Variants in LTB observed in about 807,000 individuals in gnomAD.
LTB encodes the protein lymphotoxin-beta.
LTB carries 17 observed loss-of-function variants against 14.7 expected under a neutral mutation model. The observed-to-expected ratio is 1.16, with a 90% confidence interval of 0.79 to 1.73. LTB has a LOEUF of 1.73. LTB is among the 40% of genes most tolerant of loss of function. The pLI, the probability that LTB is intolerant of heterozygous loss-of-function variation, is 0.00. For synonymous variants in LTB, 163 were observed against 157.3 expected, an observed-to-expected ratio of 1.04 and a Z score of -0.27; for missense variants, 288 against 324.3, an observed-to-expected ratio of 0.89 and a Z score of 0.86.
intron 1 of LTB, 197 bp from the exon 2 acceptor site, chr6:31,582,056 G>T: frequency 1.3e-6 from 1 of 759,174 alleles, no homozygotes. Context: ...AAGAGGAGAG[G>T]AGACACAAGG....
intron 2 of LTB, 22 bp downstream of exon 2, chr6:31,581,792 A>C (rs2150394895): frequency 1.2e-6 from 2 of 1,612,394 alleles, no homozygotes; most frequent in East Asian, 2.2e-5. Flanking sequence ...GAAGCGGGGA[A>C]GGAGAGACAG....
chr6:31,582,043 G>A (rs1040876309), intron 1 of LTB, 184 bp from the exon 2 acceptor site: 54 of 760,854 alleles, frequency 7.1e-5, no homozygotes, highest in Middle Eastern at 2.4e-4. Context: ...GATGTACCTC[G>A]GGAAGAGGAG....
Position 31,581,865 on chromosome 6 carries a change from TGGGTGG to T in LTB, c.163-12_163-7del. The T allele has an allele frequency of 6.3e-7, 1 of 1,585,970 alleles. No individual in the cohort carries two copies. The highest frequency in any genetic ancestry group is 8.6e-7 in the Non-Finnish European group (1 of 1,168,104). ...GGGTCGGCCGTCTCCGTTACCTGGT[TGGGTGG>T]GGTCACAGTGCCCAGAGTTCAGATT... On this transcript the variant is annotated splice_region_variant and splice_polypyrimidine_tract_variant and intron_variant, in intron 1 of 3. Transcript: ENST00000429299.
Position 31,581,575 on chromosome 6 carries a change from T to C in LTB, c.264A>G (p.Pro88=). 6.2e-7 allele frequency: 1 copy of C among 1,612,796 alleles called. No homozygotes were observed. The highest frequency in any genetic ancestry group is 2.2e-5 in the East Asian group (1 of 44,884). Residue 88 remains proline (P), a synonymous_variant, in exon 3 of 4, where the codon CCA becomes CCG. Transcript: ENST00000429299. ...GGTCCTTACCTATGAGGTGGGCAGC[T>C]GGGAGCCCGGGGCTGAGATCTGTTT... is the stretch of plus-strand genomic sequence containing the variant. ...EPETDLSPGL[P]AAHLIGAPLK...
At chr6:31,581,899 G>A (rs115773593) in intron 1 of LTB, 40 bp from the exon 2 acceptor site, 16 of 1,547,244 alleles carry the variant, frequency 1.0e-5, no homozygotes, top group Admixed American at 6.0e-5. Flanking sequence ...TTCAGATTCA[G>A]CTCATGTCAC....
Position 31,580,977 on chromosome 6 carries a change from G to T in LTB, c.467C>A (p.Ser156Ter). ...PPGGGDPQGR[S>*]VTLRSSLYRA... ...GTACAGAGAGCTGCGCAGCGTGACC[G>T]AGCGGCCCTGGGGGTCCCCGCCGCC... The change falls in exon 4 of 4, where the codon TCG becomes TAG. Residue 156 changes from serine to a stop codon, truncating the protein, a stop_gained. Transcript: ENST00000429299. LOFTEE classifies it high-confidence loss of function. This position sits in a 1 kb window ranked among gnomAD's most constrained non-coding sequence, Gnocchi z 6.6. The T allele has an allele frequency of 1.3e-6, 2 of 1,564,054 alleles. No individual in the cohort carries two copies. Among genetic ancestry groups the T allele is most frequent in the South Asian group, 2.3e-5 (2 of 86,328 alleles).
chr6:31,582,044 G>A (rs1400336837), intron 1 of LTB, 185 bp from the exon 2 acceptor site: 2 of 765,212 alleles, frequency 2.6e-6, no homozygotes, highest in African/African-American at 1.8e-5. Context: ...ATGTACCTCG[G>A]GAAGAGGAGA....
At chr6:31,581,270 G>A in intron 3 of LTB, 107 bp from the exon 4 acceptor site, 1 of 1,054,402 alleles carries the variant, frequency 9.5e-7, no homozygotes, top group East Asian at 2.5e-5. Context: ...CCGGGCCGGG[G>A]GAGGAGGGAT....
chr6:31,582,234 AGGGCCT>A lies in LTB; in HGVS notation c.162+16_162+21del, dbSNP rs1437001711. On this transcript the variant is annotated intron_variant, in intron 1 of 3. Transcript: ENST00000429299. ...CATCCGCAAGATACAACTCTCCACC[AGGGCCT>A]GTTGCAGCCACTCACCAGTCCTCCC... is the stretch of plus-strand genomic sequence containing the variant. The A allele has an allele frequency of 6.2e-7, 1 of 1,611,546 alleles. No homozygotes were observed. The highest frequency in any genetic ancestry group is 8.5e-7 in the Non-Finnish European group (1 of 1,178,916).
chr6:31,582,248 C>T lies in LTB; in HGVS notation c.162+8G>A, dbSNP rs574383971. ...AACTCTCCACCAGGGCCTGTTGCAG[C>T]CACTCACCAGTCCTCCCTGATCCTG... On this transcript the variant is annotated splice_region_variant and intron_variant, in intron 1 of 3. Coordinates refer to ENST00000429299, the MANE Select transcript of LTB (RefSeq NM_002341.2). 2.5e-6 allele frequency: 4 copies of T among 1,612,604 alleles called. No homozygotes were observed. Among genetic ancestry groups the T allele is most frequent in the African/African-American group, 1.3e-5 (1 of 75,018 alleles).
intron 1 of LTB, 170 bp downstream of exon 1, chr6:31,582,086 G>C (rs558709918): frequency 5.8e-6 from 5 of 856,370 alleles, no homozygotes; most frequent in Admixed American, 2.5e-5. Flanking sequence ...CGGGACACAA[G>C]CACAACATCA....
At position 31,581,120 on chromosome 6, in the gene LTB, C is replaced by T; in HGVS notation, c.324G>A (p.Lys108=). ...KGQGLGWETT[K]EQAFLTSGTQ... is the part of the protein sequence containing the mutation. ...TCCCGCTCGTCAGAAACGCCTGTTC[C>T]TTCGTCGTCTCCCAGCCTAGCCCCT... Residue 108 remains lysine (K), a synonymous_variant, in exon 4 of 4, where the codon AAG becomes AAA. Coordinates refer to ENST00000429299, the MANE Select transcript of LTB (RefSeq NM_002341.2). 6.3e-7 allele frequency: 1 copy of T among 1,590,554 alleles called. No homozygotes were observed. The highest frequency in any genetic ancestry group is 8.5e-7 in the Non-Finnish European group (1 of 1,170,992).
intron 1 of LTB, 112 bp downstream of exon 1, chr6:31,582,144 G>A: frequency 7.8e-7 from 1 of 1,289,180 alleles, no homozygotes; most frequent in Non-Finnish European, 1.1e-6. Flanking sequence ...ATCCCCACCA[G>A]GGACAGCCGA....
rs1222732341 is a variant in LTB, at chr6:31,581,018, C to G, written c.426G>C (p.Arg142=). 1 of 1,575,510 alleles carries G rather than the reference C, an allele frequency of 6.3e-7. No individual in the cohort carries two copies. Among genetic ancestry groups the G allele is most frequent in the South Asian group, 1.1e-5 (1 of 87,534 alleles). ...LYYLYCLVGY[R]GRAPPGGGDP... ...CCCCGCCGCCAGGGGGCGCCCGGCCCCGGTAGCCGACGAGACAGTAGAGGT... is the reference window on the plus strand; with the variant it reads ...CCCCGCCGCCAGGGGGCGCCCGGCCGCGGTAGCCGACGAGACAGTAGAGGT... Residue 142 remains arginine (R), a synonymous_variant, in exon 4 of 4, where the codon CGG becomes CGC. Transcript: ENST00000429299.
chr6:31,581,751 G>T (rs1251493554), intron 2 of LTB, 63 bp downstream of exon 2: 6 of 1,604,040 alleles, frequency 3.7e-6, no homozygotes, highest in Non-Finnish European at 5.1e-6. Context: ...ATCTGGGGAC[G>T]CAGCAGGGAG....
intron 2 of LTB, 64 bp downstream of exon 2, chr6:31,581,750 C>T: frequency 1.9e-6 from 3 of 1,605,642 alleles, no homozygotes; most frequent in Non-Finnish European, 2.6e-6. Flanking sequence ...TATCTGGGGA[C>T]GCAGCAGGGA....
intron 1 of LTB, 180 bp downstream of exon 1, chr6:31,582,076 C>T (rs775283498): frequency 2.5e-6 from 2 of 815,920 alleles, no homozygotes; most frequent in East Asian, 2.6e-5. Context: ...GGGCTTATGT[C>T]GGGACACAAG....
At chr6:31,582,229 C>T in intron 1 of LTB, 27 bp downstream of exon 1, 1 of 1,611,096 alleles carries the variant, frequency 6.2e-7, no homozygotes. Context: ...ATACAACTCT[C>T]CACCAGGGCC....
Position 31,580,921 on chromosome 6 carries a change from G to A in LTB, c.523C>T (p.Pro175Ser). ...TCGGCGCCCTCGAGCAGCAGCTCGGGAGTGCCCGGCCCGTAGGCGCCCCCC... is the reference window on the plus strand; with the variant it reads ...TCGGCGCCCTCGAGCAGCAGCTCGGAAGTGCCCGGCCCGTAGGCGCCCCCC... ...RAGGAYGPGT[P>S]ELLLEGAETV... The change falls in exon 4 of 4, where the codon CCC becomes TCC. Residue 175 changes from proline (P) to serine (S), a missense_variant. Coordinates refer to ENST00000429299, the MANE Select transcript of LTB (RefSeq NM_002341.2). This position sits in a 1 kb window ranked among gnomAD's most constrained non-coding sequence, Gnocchi z 6.6. The A allele has an allele frequency of 6.3e-7, 1 of 1,587,080 alleles. No individual in the cohort carries two copies. Among genetic ancestry groups the A allele is most frequent in the Non-Finnish European group, 8.6e-7 (1 of 1,167,704 alleles).
Sources: allele counts gnomAD v4.1 joint callset, GRCh38; gene constraint gnomAD v4.1.1; non-coding constraint Gnocchi (gnomAD v3.1); transcripts MANE v1.5; gene names NCBI Gene and HGNC (gene_info 2026-07-23, HGNC 2026-07-21).